Variants in NRXN3 observed in about 807,000 individuals in gnomAD.
NRXN3 encodes the protein neurexin III.
NRXN3 carries 32 observed loss-of-function variants against 137.6 expected under a neutral mutation model. The observed-to-expected ratio is 0.23, with a 90% confidence interval of 0.18 to 0.31. The LOEUF (loss-of-function observed/expected upper bound fraction) is 0.31. Among genes scored for constraint, NRXN3 ranks in the 10% least tolerant of loss-of-function variants. NRXN3 has a pLI of 1.00. For missense variants in NRXN3, 1,574 were observed against 2,062.5 expected (o/e 0.76, Z 4.59); for synonymous variants, 798 against 784.5 (o/e 1.02, Z -0.29).
intron 15 of NRXN3, among the ~76,000 whole-genome samples, chr14:79,449,051 C>A (rs1337972590): frequency 2.0e-5 from 3 of 152,122 alleles, no homozygotes; most frequent in Non-Finnish European, 2.9e-5. Context: ...TCTCGCAGAA[C>A]AAATGATAAC....
chr14:79,851,592 T>G (rs955126577), intron 20 of NRXN3, among the ~76,000 whole-genome samples: 3 of 152,150 alleles, frequency 2.0e-5, no homozygotes, highest in Non-Finnish European at 2.9e-5. Flanking sequence ...AAAAGAGTTC[T>G]TAGGAGTGGT....
intron 8 of NRXN3, among the ~76,000 whole-genome samples, chr14:78,789,742 A>AC (rs2098799756): frequency 6.6e-6 from 1 of 152,150 alleles, no homozygotes; most frequent in African/African-American, 2.4e-5. Context: ...CTGTGCTTCT[A>AC]CATATGCTGT....
In NRXN3 at chr14:79,369,229, A is replaced by G. The variant is rs370248441; in HGVS notation, c.3263-97992A>G. Reference sequence around the variant, plus strand: ...TGGAGGCAAGGACGGGCCAGTCAGGAACAGGTGGGCTTATAGTGAAAGAAA... The same window carrying G: ...TGGAGGCAAGGACGGGCCAGTCAGGGACAGGTGGGCTTATAGTGAAAGAAA... On this transcript the variant is annotated intron_variant, in intron 15 of 20. Transcript: ENST00000335750. Among the ~76,000 whole-genome samples the G allele has an allele frequency of 4.6e-5, 7 of 152,322 alleles. No homozygotes were observed. In the East Asian group the frequency reaches 1.2e-3, roughly 25 times the overall value.
At position 78,654,808 on chromosome 14, in the gene NRXN3, C is replaced by A. The variant is rs375794404; in HGVS notation, c.1221+3482C>A. ...TTCTTGGCACTTAGTGGCTCTCAGT[C>A]AATATTTGCTGAGTGAAATCACATG... On this transcript the variant is annotated intron_variant, in intron 6 of 20. Transcript: ENST00000335750. 3.4e-4 allele frequency among the ~76,000 whole-genome samples: 52 copies of A among 152,290 alleles called. 1 individual carries two copies. The South Asian group carries it at 9.9e-3, about 29-fold the overall frequency.
chr14:78,332,773 T>C (rs912380978), intron 4 of NRXN3, among the ~76,000 whole-genome samples: 2 of 152,204 alleles, frequency 1.3e-5, no homozygotes, highest in Non-Finnish European at 2.9e-5. Context: ...GGAATCGATA[T>C]CTAATGATAG....
intron 10 of NRXN3, among the ~76,000 whole-genome samples, chr14:78,926,575 T>C (rs2099292011): frequency 8.3e-6 from 1 of 120,280 alleles, no homozygotes; most frequent in South Asian, 2.4e-4. Flanking sequence ...ACCTTGTCTC[T>C]AAAAATAAAA....
chr14:79,778,287 G>A (rs7154072), intron 19 of NRXN3, among the ~76,000 whole-genome samples: 79,102 of 151,900 alleles, frequency 0.52, 21,150 homozygotes, highest in Middle Eastern at 0.65. Context: ...ATGGTGGTGC[G>A]CGCCTGTAAT....
At chr14:78,578,969 G>C (rs1194172181) in intron 4 of NRXN3, among the ~76,000 whole-genome samples, 1 of 151,942 alleles carries the variant, frequency 6.6e-6, no homozygotes, top group Non-Finnish European at 1.5e-5. Flanking sequence ...AAAAAAAAAG[G>C]CTGCCCTGGA....
intron 19 of NRXN3, among the ~76,000 whole-genome samples, chr14:79,792,114 G>C (rs2099147180): frequency 1.3e-5 from 2 of 152,202 alleles, no homozygotes; most frequent in South Asian, 4.1e-4. Flanking sequence ...TGTGTCTTTT[G>C]GGTTCTCTGA....
intron 4 of NRXN3, among the ~76,000 whole-genome samples, chr14:78,598,800 G>T (rs933919565): frequency 6.6e-6 from 1 of 152,200 alleles, no homozygotes; most frequent in Non-Finnish European, 1.5e-5. Flanking sequence ...CCATCTCTGG[G>T]ACGCGGGGTC....
At chr14:79,818,306 GCCTCCC>G (rs1373403922) in intron 20 of NRXN3, among the ~76,000 whole-genome samples, 1 of 152,020 alleles carries the variant, frequency 6.6e-6, no homozygotes, top group Non-Finnish European at 1.5e-5. Flanking sequence ...GCCCGCCTCG[GCCTCCC>G]AAAGTGCTGG....
chr14:78,469,739 A>G (rs2095219141), intron 4 of NRXN3, among the ~76,000 whole-genome samples: 1 of 151,910 alleles, frequency 6.6e-6, no homozygotes, highest in Admixed American at 6.6e-5. Context: ...TGCTATTGAA[A>G]CCCCTGTTGT....
intron 17 of NRXN3, among the ~76,000 whole-genome samples, chr14:79,673,050 T>C (rs774524833): frequency 1.3e-5 from 2 of 152,032 alleles, no homozygotes; most frequent in Non-Finnish European, 2.9e-5. Flanking sequence ...CTCAATCGAT[T>C]GTAATCATAT....
At chr14:79,083,884 G>T (rs1288881561) in intron 15 of NRXN3, among the ~76,000 whole-genome samples, 1 of 152,122 alleles carries the variant, frequency 6.6e-6, no homozygotes, top group Non-Finnish European at 1.5e-5. Context: ...CTGCTAAAAG[G>T]ATAGCATGGG....
At chr14:78,300,967 G>A (rs777907023) in intron 4 of NRXN3, among the ~76,000 whole-genome samples, 14 of 152,076 alleles carry the variant, frequency 9.2e-5, no homozygotes, top group Non-Finnish European at 1.6e-4. Context: ...TATCAGGAAC[G>A]GGGGAGGGTG....
intron 4 of NRXN3, among the ~76,000 whole-genome samples, chr14:78,608,321 C>T (rs2097269535): frequency 6.6e-6 from 1 of 152,144 alleles, no homozygotes; most frequent in South Asian, 2.1e-4. Context: ...AAAACCCTAA[C>T]CTAGATATAC....
intron 15 of NRXN3, among the ~76,000 whole-genome samples, chr14:79,051,083 C>A (rs1352315783): frequency 6.6e-6 from 1 of 152,128 alleles, no homozygotes; most frequent in South Asian, 2.1e-4. Flanking sequence ...AGGTTTAAAA[C>A]CCTGCCCCAC....
intron 15 of NRXN3, among the ~76,000 whole-genome samples, chr14:79,421,847 A>G (rs1329777806): frequency 6.6e-6 from 1 of 152,194 alleles, no homozygotes; most frequent in Admixed American, 6.5e-5. Flanking sequence ...TATAAATATA[A>G]TTTATTCTCT....
intron 10 of NRXN3, among the ~76,000 whole-genome samples, chr14:78,941,068 T>A (rs1365713506): frequency 2.6e-5 from 4 of 152,212 alleles, no homozygotes; most frequent in Non-Finnish European, 5.9e-5. Flanking sequence ...GTCCATAAGC[T>A]GCATTTAAAT....
Sources: gnomAD v4.1 joint callset for allele counts (sites outside exome capture counted in the v4.1 genomes callset) on GRCh38, gnomAD v4.1.1 for gene constraint, MANE v1.5 for transcripts, NCBI Gene and HGNC (gene_info 2026-07-23, HGNC 2026-07-21) for gene names.